Variants in CPT1A observed in about 807,000 individuals in gnomAD.
The protein encoded by CPT1A is carnitine O-palmitoyltransferase 1, liver isoform.
A neutral mutation model predicts 100.8 loss-of-function variants in CPT1A; 64 were observed. The observed-to-expected ratio is 0.63, with a 90% CI of 0.52 to 0.78. The LOEUF (loss-of-function observed/expected upper bound fraction) is 0.78. CPT1A is among the 30% of genes least tolerant of loss of function. The pLI, the probability that CPT1A is intolerant of heterozygous loss-of-function variation, is 0.00. For synonymous variants in CPT1A, 363 were observed against 396.0 expected (o/e 0.92, Z 0.99); for missense variants, 802 against 1,034.1 (o/e 0.78, Z 3.08).
At chr11:68,788,630 T>A (rs200055975) in intron 9 of CPT1A, among the ~76,000 whole-genome samples, 343 of 27,524 alleles carry the variant, frequency 0.012, no homozygotes, top group Middle Eastern at 0.071. Flanking sequence ...CAAACAAAAG[T>A]AAAAAAAAAA....
intron 9 of CPT1A, 73 bp from the exon 10 acceptor site, chr11:68,785,083 T>G: frequency 7.4e-7 from 1 of 1,357,966 alleles, no homozygotes; most frequent in Non-Finnish European, 1.0e-6. Context: ...GACCGTACCC[T>G]GACTCTGCAA....
At chr11:68,824,506 A>G (rs1856671391) in intron 1 of CPT1A, among the ~76,000 whole-genome samples, 1 of 152,132 alleles carries the variant, frequency 6.6e-6, no homozygotes, top group African/African-American at 2.4e-5. Context: ...ATTCAAAACA[A>G]CTGTTACCTC....
At chr11:68,838,127 G>A (rs539763038) in intron 1 of CPT1A, among the ~76,000 whole-genome samples, 28 of 152,180 alleles carry the variant, frequency 1.8e-4, no homozygotes, top group Non-Finnish European at 3.7e-4. Context: ...GAAGCAGAGC[G>A]GTACCCACCC....
chr11:68,784,962 C>T lies in CPT1A; in HGVS notation c.1016G>A (p.Arg339Gln), dbSNP rs369742450. Residue 339 changes from arginine to glutamine, a missense_variant, in exon 10 of 19, where the codon CGA becomes CAA. Arg to Gln is a conservative substitution (Grantham distance 43). Around this residue, in one of 4 missense-constraint regions of CPT1A, gnomAD observed 627 missense variants for 799.3 expected, o/e 0.78. Coordinates refer to ENST00000265641, the MANE Select transcript of CPT1A (RefSeq NM_001876.4). ...GAGCCAGACCTTGAAGTAGCGTCCT[C>T]GATGGTACACGACGATGTGCTTGCT... is the stretch of plus-strand genomic sequence containing the variant. ...RDSKHIVVYH[R>Q]GRYFKVWLYH... The T allele has an allele frequency of 4.3e-6, 7 of 1,613,972 alleles. No individual in the cohort carries two copies. Among genetic ancestry groups the T allele is most frequent in the African/African-American group, 4.0e-5 (3 of 75,012 alleles).
At chr11:68,782,807 T>C (rs1855349437) in intron 10 of CPT1A, among the ~76,000 whole-genome samples, 2 of 152,182 alleles carry the variant, frequency 1.3e-5, no homozygotes, top group South Asian at 2.1e-4. Flanking sequence ...TAGGCCTCAG[T>C]GCACCCCGCT....
At chr11:68,768,751 T>G (rs1197834569) in intron 14 of CPT1A, among the ~76,000 whole-genome samples, 1 of 152,218 alleles carries the variant, frequency 6.6e-6, no homozygotes, top group East Asian at 1.9e-4. Context: ...ACGTGTTTTT[T>G]GTGTACCTAC....
chr11:68,829,567 T>A (rs898105579), intron 1 of CPT1A, among the ~76,000 whole-genome samples: 2 of 151,882 alleles, frequency 1.3e-5, no homozygotes, highest in Non-Finnish European at 2.9e-5. Context: ...AAGGAAGAAA[T>A]GAGAAAATAC....
intron 1 of CPT1A, among the ~76,000 whole-genome samples, chr11:68,822,403 C>G (rs190859167): frequency 1.4e-3 from 208 of 151,898 alleles, no homozygotes; most frequent in African/African-American, 4.3e-3. Flanking sequence ...CATGGTAGTG[C>G]ATTGCTGTAA....
chr11:68,762,535 G>A, intron 15 of CPT1A, 92 bp downstream of exon 15: 2 of 1,513,404 alleles, frequency 1.3e-6, no homozygotes, highest in South Asian at 2.2e-5. Flanking sequence ...GTACAGGAAT[G>A]ATGAGATCAG....
chr11:68,843,800 T>C (rs1237019999), upstream of CPT1A, among the ~76,000 whole-genome samples: 2 of 152,242 alleles, frequency 1.3e-5, no homozygotes, highest in Non-Finnish European at 2.9e-5. The surrounding 1 kb of genome is among the most constrained non-coding windows in gnomAD (Gnocchi z 4.0). Flanking sequence ...GACGCGCGGC[T>C]GCACCCCACG....
intron 11 of CPT1A, 82 bp from the exon 12 acceptor site, chr11:68,780,827 G>A: frequency 9.9e-7 from 1 of 1,007,068 alleles, no homozygotes. Flanking sequence ...GCTTCATCCT[G>A]GATGGACTAA....
chr11:68,817,058 G>T (rs1486654758), intron 1 of CPT1A, among the ~76,000 whole-genome samples: 2 of 102,770 alleles, frequency 1.9e-5, no homozygotes, highest in South Asian at 6.6e-4. Flanking sequence ...GTTGTGTGGG[G>T]GGTGGGTGTG....
At chr11:68,782,545 C>T (rs1855341721) in intron 10 of CPT1A, among the ~76,000 whole-genome samples, 2 of 152,182 alleles carry the variant, frequency 1.3e-5, no homozygotes, top group African/African-American at 2.4e-5. Context: ...CCATGTGACC[C>T]CTCCACAAGG....
At chr11:68,776,708 G>A (rs894380913) in intron 12 of CPT1A, among the ~76,000 whole-genome samples, 3 of 152,102 alleles carry the variant, frequency 2.0e-5, no homozygotes, top group Non-Finnish European at 2.9e-5. Context: ...GGGAAACCCC[G>A]CCTCTACCAA....
chr11:68,790,517 C>T (rs770412849), intron 9 of CPT1A, among the ~76,000 whole-genome samples: 2 of 152,140 alleles, frequency 1.3e-5, no homozygotes, highest in Admixed American at 6.6e-5. Flanking sequence ...AGGCAGAGAT[C>T]AGAGTGATAT....
At chr11:68,839,511 C>T (rs1308641321) in intron 1 of CPT1A, 8 of 985,330 alleles carry the variant, frequency 8.1e-6, no homozygotes, top group Non-Finnish European at 9.6e-6. Context: ...GGCGCGCGTC[C>T]CTGTGGCCAC....
chr11:68,780,703 C>G lies in CPT1A; in HGVS notation c.1395G>C (p.Gly465=), dbSNP rs774577615. The G allele has an allele frequency of 6.2e-7, 1 of 1,614,260 alleles. No individual in the cohort carries two copies. The highest frequency in any genetic ancestry group is 8.5e-7 in the Non-Finnish European group (1 of 1,180,044). ...KSFTFVVFKN[G]KMGLNAEHSW... is the part of the protein sequence containing the mutation. Reference sequence around the variant, plus strand: ...AGTGTTCAGCGTTGAGGCCCATCTTCCCGTTTTTGAAGACAACAAACGTGA... The same window carrying G: ...AGTGTTCAGCGTTGAGGCCCATCTTGCCGTTTTTGAAGACAACAAACGTGA... Residue 465 remains glycine (G), a synonymous_variant, in exon 12 of 19, where the codon GGG becomes GGC. Transcript: ENST00000265641.
Position 68,773,326 on chromosome 11 carries a change from T to A in CPT1A, c.1679A>T (p.Lys560Met). The A allele has an allele frequency of 6.2e-7, 1 of 1,614,186 alleles. No individual in the cohort carries two copies. The highest frequency in any genetic ancestry group is 8.5e-7 in the Non-Finnish European group (1 of 1,180,036). Residue 560 changes from lysine (K) to methionine (M), a missense_variant, in exon 14 of 19, where the codon AAG (lysine) becomes ATG (methionine). This residue lies in a region of CPT1A where 627 missense variants were observed against 799.3 expected (regional missense o/e 0.78). Coordinates refer to ENST00000265641, the MANE Select transcript of CPT1A (RefSeq NM_001876.4). ...GGCGTCTGGGCTCGTGCGACATTTC[T>A]TGATGATTCCTTTACCAAAGGCTAC... Reference protein sequence around the residue: ...PFVAFGKGIIKKCRTSPDAFV... With the variant: ...PFVAFGKGIIMKCRTSPDAFV...
chr11:68,772,935 A>T (rs1855030421), intron 14 of CPT1A, among the ~76,000 whole-genome samples: 1 of 152,012 alleles, frequency 6.6e-6, no homozygotes. Context: ...CACTATTTCC[A>T]CTTTAGCAAA....
Sources: gnomAD v4.1 joint callset for allele counts (sites outside exome capture counted in the v4.1 genomes callset) on GRCh38, gnomAD v4.1.1 for gene constraint, gnomAD v4.1.1 regional missense constraint, Gnocchi (gnomAD v3.1) non-coding constraint, MANE v1.5 for transcripts, NCBI Gene and HGNC (gene_info 2026-07-23, HGNC 2026-07-21) for gene names.